The following DOCK3 variants were observed in gnomAD, a reference collection of about 807,000 sequenced individuals.
DOCK3 encodes the protein dedicator of cytokinesis protein 3.
DOCK3 carries 60 observed loss-of-function variants against 265.6 expected under a neutral mutation model. The observed-to-expected ratio is 0.23, with a 90% CI of 0.18 to 0.28. The LOEUF is 0.28. Among genes scored for constraint, DOCK3 ranks in the 10% least tolerant of loss-of-function variants. DOCK3 has a pLI of 1.00. For synonymous variants in DOCK3, 881 were observed against 938.0 expected, an observed-to-expected ratio of 0.94 and a Z score of 1.11; for missense variants, 1,981 against 2,594.3, an observed-to-expected ratio of 0.76 and a Z score of 5.14.
chr3:51,228,907 A>T (rs2090438304), intron 18 of DOCK3, 75 bp downstream of exon 18: 1 of 1,480,344 alleles, frequency 6.8e-7, no homozygotes, highest in African/African-American at 1.4e-5. Flanking sequence ...GCGCATGTGA[A>T]GGGAGAGATA....
chr3:50,949,092 G>A (rs1408686703), intron 5 of DOCK3, among the ~76,000 whole-genome samples: 12 of 152,202 alleles, frequency 7.9e-5, no homozygotes. Flanking sequence ...AGAACCAAAG[G>A]ATTCCCTAAC....
intron 2 of DOCK3, among the ~76,000 whole-genome samples, chr3:50,813,770 G>C (rs1187418141): frequency 6.6e-6 from 1 of 152,154 alleles, no homozygotes; most frequent in Non-Finnish European, 1.5e-5. Flanking sequence ...TGAATGAACT[G>C]TAGCTCACAT....
At chr3:50,883,447 T>C (rs1180821566) in intron 3 of DOCK3, among the ~76,000 whole-genome samples, 1 of 152,286 alleles carries the variant, frequency 6.6e-6, no homozygotes, top group Non-Finnish European at 1.5e-5. Context: ...TGTTTTTTCT[T>C]AGTGTAGTTC....
chr3:51,041,189 TATATATATATATATA>T (rs1220654384), intron 5 of DOCK3, among the ~76,000 whole-genome samples: 88 of 16,932 alleles, frequency 5.2e-3, no homozygotes, highest in East Asian at 0.012. Flanking sequence ...TATATATATA[TATATATATATATATA>T]TTTTTTTTTT....
At chr3:50,757,903 C>T (rs765068077) in intron 1 of DOCK3, among the ~76,000 whole-genome samples, 1 of 151,980 alleles carries the variant, frequency 6.6e-6, no homozygotes, top group South Asian at 2.1e-4. Context: ...TGGCTGGGCA[C>T]GGTGGCTCAC....
intron 4 of DOCK3, among the ~76,000 whole-genome samples, chr3:50,901,201 G>A (rs1465675900): frequency 6.6e-6 from 1 of 152,290 alleles, no homozygotes; most frequent in East Asian, 1.9e-4. Flanking sequence ...GAGGCAGTCT[G>A]GCTACAGTGG....
chr3:51,002,877 A>G lies in DOCK3; in HGVS notation c.316-61571A>G, dbSNP rs1036225174. Among the ~76,000 whole-genome samples, 5 of 152,270 alleles carry G rather than the reference A, an allele frequency of 3.3e-5. No homozygotes were observed. The East Asian group carries it at 9.6e-4, about 29-fold the overall frequency. On this transcript the variant is annotated intron_variant, in intron 5 of 52. Coordinates refer to ENST00000266037, the MANE Select transcript of DOCK3 (RefSeq NM_004947.5). ...GCTATATTTGACCCTTTCAACCTCA[A>G]AGTATTTGAAAAGAAATAACTGGTC...
At chr3:50,695,905 C>T (rs1266025093) in intron 1 of DOCK3, among the ~76,000 whole-genome samples, 1 of 152,168 alleles carries the variant, frequency 6.6e-6, no homozygotes, top group Admixed American at 6.5e-5. Context: ...GTGACTCCAG[C>T]ACAGCCATGT....
chr3:51,207,926 T>C (rs779894004), intron 12 of DOCK3, among the ~76,000 whole-genome samples: 15 of 152,184 alleles, frequency 9.9e-5, no homozygotes, highest in Non-Finnish European at 1.6e-4. Context: ...ATGACCCTAA[T>C]CTTTTTCCAA....
chr3:51,116,604 T>A (rs930542124), intron 9 of DOCK3, among the ~76,000 whole-genome samples: 3 of 152,124 alleles, frequency 2.0e-5, no homozygotes, highest in Non-Finnish European at 4.4e-5. Context: ...AACATGGAAT[T>A]TTTTCCATTT....
intron 5 of DOCK3, among the ~76,000 whole-genome samples, chr3:51,011,070 A>G (rs955019013): frequency 7.2e-5 from 11 of 151,788 alleles, no homozygotes; most frequent in Non-Finnish European, 1.2e-4. Context: ...CTTCATTTCA[A>G]CTTTGGTGAA....
At chr3:50,872,835 G>A (rs1045290684) in intron 3 of DOCK3, among the ~76,000 whole-genome samples, 2 of 152,138 alleles carry the variant, frequency 1.3e-5, no homozygotes, top group African/African-American at 2.4e-5. Flanking sequence ...ACAGGCCCAC[G>A]GGGCCTACTG....
intron 5 of DOCK3, among the ~76,000 whole-genome samples, chr3:51,044,566 A>G (rs1340129199): frequency 6.6e-6 from 1 of 150,706 alleles, no homozygotes; most frequent in Admixed American, 6.8e-5. Flanking sequence ...CTGCACTTGT[A>G]TCACTGAACT....
At chr3:50,888,216 A>G (rs2048443201) in intron 3 of DOCK3, among the ~76,000 whole-genome samples, 1 of 152,122 alleles carries the variant, frequency 6.6e-6, no homozygotes, top group Admixed American at 6.6e-5. Context: ...TACACCAATA[A>G]CAGACAAACA....
At chr3:50,881,048 G>A (rs893012362) in intron 3 of DOCK3, among the ~76,000 whole-genome samples, 1 of 152,166 alleles carries the variant, frequency 6.6e-6, no homozygotes, top group African/African-American at 2.4e-5. Context: ...CTCAATAGAT[G>A]CAGAAAAGGC....
At chr3:50,977,235 G>T (rs1364782664) in intron 5 of DOCK3, among the ~76,000 whole-genome samples, 1 of 151,824 alleles carries the variant, frequency 6.6e-6, no homozygotes, top group Non-Finnish European at 1.5e-5. Context: ...TTTCTTCCTA[G>T]TCTCGATGGT....
At chr3:51,116,597 A>G (rs1034956247) in intron 9 of DOCK3, among the ~76,000 whole-genome samples, 4 of 152,120 alleles carry the variant, frequency 2.6e-5, no homozygotes, top group Non-Finnish European at 5.9e-5. Context: ...ATCCATGAAC[A>G]TGGAATTTTT....
At chr3:51,205,157 A>T (rs1469969953) in intron 12 of DOCK3, among the ~76,000 whole-genome samples, 2 of 152,106 alleles carry the variant, frequency 1.3e-5, no homozygotes, top group Admixed American at 1.3e-4. Flanking sequence ...GCTAAAACTT[A>T]AAGTATAATA....
chr3:50,676,237 G>A (rs1156337075), intron 1 of DOCK3, among the ~76,000 whole-genome samples: 1 of 152,202 alleles, frequency 6.6e-6, no homozygotes, highest in Non-Finnish European at 1.5e-5. Context: ...ATTTAATCAA[G>A]ATTTAGTTCA....
Sources: allele counts gnomAD v4.1 joint callset (sites outside exome capture counted in the v4.1 genomes callset), GRCh38; gene constraint gnomAD v4.1.1; transcripts MANE v1.5; gene names NCBI Gene and HGNC (gene_info 2026-07-23, HGNC 2026-07-21).